The following MYBL2 variants were observed in gnomAD, a reference collection of about 807,000 sequenced individuals.
The protein encoded by MYBL2 is MYB proto-oncogene like 2, also known as myb-related protein B.
Under a neutral mutation model 79.9 loss-of-function variants are expected in MYBL2, and 28 were observed. The ratio of observed to expected loss-of-function variants is 0.35; its 90% CI spans 0.26 to 0.48. MYBL2 has a LOEUF of 0.48. MYBL2 is among the 20% of genes least tolerant of loss of function. The probability of loss-of-function intolerance (pLI) is 0.99; values close to 1 mark genes in which losing one functional copy is unlikely to be tolerated. For synonymous variants in MYBL2, 378 were observed against 361.2 expected (o/e 1.05, Z -0.53); for missense variants, 735 against 893.9 (o/e 0.82, Z 2.27).
chr20:43,673,646 T>C (rs766140223), intron 1 of MYBL2, 160 bp from the exon 2 acceptor site: 1 of 738,890 alleles, frequency 1.4e-6, no homozygotes. Flanking sequence ...TCAATAAAAA[T>C]AAGTGAAGCA....
At chr20:43,708,747 T>C (rs1335862742) in intron 9 of MYBL2, among the ~76,000 whole-genome samples, 4 of 152,360 alleles carry the variant, frequency 2.6e-5, no homozygotes, top group Middle Eastern at 3.4e-3. Flanking sequence ...TGTGTGCTCT[T>C]AGTCCTTGTT....
Position 43,699,826 on chromosome 20 carries a change from C to T in MYBL2, c.733C>T (p.Leu245Phe). The T allele has an allele frequency of 6.2e-7, 1 of 1,614,140 alleles. No individual in the cohort carries two copies. Among genetic ancestry groups the T allele is most frequent in the Non-Finnish European group, 8.5e-7 (1 of 1,180,028 alleles). The change falls in exon 7 of 14, where the codon CTT becomes TTT. Residue 245 changes from leucine (L) to phenylalanine (F), a missense_variant. By Grantham distance (22) the Leu-to-Phe change is conservative. Transcript: ENST00000217026. ...GGAGGAGGAAAACAGTGAGGAGGAA[C>T]TTGCAGCAGCCACCACATCGAAGGA... Reference protein sequence around the residue: ...IKEEENSEEELAAATTSKEQE... With the variant: ...IKEEENSEEEFAAATTSKEQE...
intron 2 of MYBL2, among the ~76,000 whole-genome samples, chr20:43,679,833 C>G (rs1264384034): frequency 1.2e-5 from 1 of 86,148 alleles, no homozygotes; most frequent in Non-Finnish European, 2.3e-5. Flanking sequence ...ATCACTTGAG[C>G]CCATGAGGTT....
rs80188388 is a variant in MYBL2 at position 43,669,806 on chromosome 20, A to T, written c.20+2503A>T. 7.6e-3 allele frequency among the ~76,000 whole-genome samples: 1,159 copies of T among 152,336 alleles called. 9 individuals are homozygous for T. Among genetic ancestry groups the T allele is most frequent in the African/African-American group, 0.026 (1,096 of 41,576 alleles). ...GTATATCATCTCACAGAAATGCCCC[A>T]GCTGTCTGAGATGCTGACCCTATCA... is the stretch of plus-strand genomic sequence containing the variant. On this transcript the variant is annotated intron_variant, in intron 1 of 13. Coordinates refer to ENST00000217026, the MANE Select transcript of MYBL2 (RefSeq NM_002466.4).
At chr20:43,675,416 C>T (rs1474157272) in intron 2 of MYBL2, among the ~76,000 whole-genome samples, 5 of 151,724 alleles carry the variant, frequency 3.3e-5, no homozygotes, top group Non-Finnish European at 4.4e-5. Flanking sequence ...TGGGTTCAAG[C>T]GATTCTCCTG....
intron 9 of MYBL2, among the ~76,000 whole-genome samples, chr20:43,705,996 G>A (rs1033829304): frequency 6.6e-5 from 10 of 152,174 alleles, no homozygotes; most frequent in African/African-American, 2.4e-4. Context: ...CACCACACCC[G>A]GCTAAAATTT....
chr20:43,715,987 G>C lies in MYBL2; in HGVS notation c.2003G>C (p.Cys668Ser). The change falls in exon 14 of 14, where the codon TGC (cysteine) becomes TCC (serine). Residue 668 changes from cysteine (C) to serine (S), a missense_variant. Physicochemically the swap from Cys to Ser is moderately radical, Grantham distance 112. This residue lies in a region of MYBL2 where 204 missense variants were observed against 202.9 expected (regional missense o/e 1.01). Transcript: ENST00000217026. ...TCCAGTGCCTGGAAGACGGTGGCCT[G>C]CGGGGGGACCAGGGACCAGCTTTTC... is the stretch of plus-strand genomic sequence containing the variant. ...PMSSAWKTVACGGTRDQLFMQ... is the reference protein window; with the variant it reads ...PMSSAWKTVASGGTRDQLFMQ... The C allele has an allele frequency of 6.2e-7, 1 of 1,612,342 alleles. No individual in the cohort carries two copies. Among genetic ancestry groups the C allele is most frequent in the Non-Finnish European group, 8.5e-7 (1 of 1,179,810 alleles).
chr20:43,699,611 G>A, intron 6 of MYBL2, 146 bp from the exon 7 acceptor site: 1 of 856,700 alleles, frequency 1.2e-6, no homozygotes, highest in Non-Finnish European at 1.8e-6. Flanking sequence ...GGAAGTATAT[G>A]GTATGGCTAA....
In MYBL2 at chr20:43,673,679, A is replaced by C. The variant is rs138941029; in HGVS notation, c.21-127A>C. 1,941 of 856,646 alleles carry C rather than the reference A, an allele frequency of 2.3e-3. 32 individuals carry two copies. The African/African-American group carries it at 0.027, about 12-fold the overall frequency. 53.1% of individuals were successfully genotyped at this position (856,646 alleles called of 1,614,324 possible). ...GCAGAAGTGCCTATGTCTTAAAAAG[A>C]AGAAAAAGTAAGAGCCTCTCTCCCC... On this transcript the variant is annotated intron_variant, in intron 1 of 13. Coordinates refer to ENST00000217026, the MANE Select transcript of MYBL2 (RefSeq NM_002466.4).
At chr20:43,693,579 C>T (rs191641489) in intron 6 of MYBL2, among the ~76,000 whole-genome samples, 6 of 152,180 alleles carry the variant, frequency 3.9e-5, no homozygotes, top group Admixed American at 1.3e-4. Context: ...TCAAATGATC[C>T]ACCCACCTGA....
At chr20:43,696,319 C>A (rs943006431) in intron 6 of MYBL2, among the ~76,000 whole-genome samples, 5 of 151,938 alleles carry the variant, frequency 3.3e-5, no homozygotes, top group Non-Finnish European at 5.9e-5. Flanking sequence ...TGGCTCACCG[C>A]AACCTCCGCC....
At chr20:43,677,247 A>G (rs370746692) in intron 2 of MYBL2, among the ~76,000 whole-genome samples, 1 of 152,170 alleles carries the variant, frequency 6.6e-6, no homozygotes, top group Non-Finnish European at 1.5e-5. Context: ...ATGGAGAGAT[A>G]AGACCGTGTG....
At position 43,677,143 on chromosome 20, in the gene MYBL2, ATCC is replaced by A. The variant is rs773688839; in HGVS notation, c.114+3246_114+3248del. Among the ~76,000 whole-genome samples, 455 of 152,328 alleles carry A rather than the reference ATCC, an allele frequency of 3.0e-3. 8 individuals carry two copies. Among genetic ancestry groups the A allele is most frequent in the Middle Eastern group, 0.024 (7 of 294 alleles). On this transcript the variant is annotated intron_variant, in intron 2 of 13. Transcript: ENST00000217026. ...CGTGCTAAGCAAACCTTTTCTGCTCATCCTGTTGTGGACCAGGGACTATATTTG... is the reference window on the plus strand; with the variant it reads ...CGTGCTAAGCAAACCTTTTCTGCTCATGTTGTGGACCAGGGACTATATTTG...
At chr20:43,711,675 A>C in intron 11 of MYBL2, 74 bp downstream of exon 11, 1 of 1,375,926 alleles carries the variant, frequency 7.3e-7, no homozygotes, top group Non-Finnish European at 1.0e-6. Flanking sequence ...GTCTGGGGAC[A>C]GGTTGTAGAA....
intron 6 of MYBL2, among the ~76,000 whole-genome samples, chr20:43,699,315 G>A (rs969217729): frequency 7.9e-5 from 12 of 152,180 alleles, no homozygotes; most frequent in Non-Finnish European, 1.3e-4. Context: ...CAAAGTGTTG[G>A]GATTACAGGC....
intron 2 of MYBL2, among the ~76,000 whole-genome samples, chr20:43,679,131 G>A (rs1419336576): frequency 6.6e-6 from 1 of 152,124 alleles, no homozygotes; most frequent in African/African-American, 2.4e-5. Flanking sequence ...AGCCTGGCCA[G>A]GGCAGGGAGG....
At position 43,667,277 on chromosome 20, in the gene MYBL2, CG is replaced by C. The variant is rs1460701783; in HGVS notation, c.-1del. On this transcript the variant is annotated 5_prime_UTR_variant, in exon 1 of 14. Transcript: ENST00000217026. ...CGGGCGAGCGCGGCGCGGTCCGGGC[CG>C]GGGGGATGTCTCGGCGGACGCGCTG... 3 of 1,226,100 alleles carry C rather than the reference CG, an allele frequency of 2.4e-6. No homozygotes were observed. The highest frequency in any genetic ancestry group is 3.0e-6 in the Non-Finnish European group (3 of 984,120). The allele number at this position is 1,226,100 out of a possible 1,614,324, so 76.0% of individuals were successfully genotyped here.
At chr20:43,678,585 G>A (rs1368248248) in intron 2 of MYBL2, among the ~76,000 whole-genome samples, 1 of 152,012 alleles carries the variant, frequency 6.6e-6, no homozygotes, top group Non-Finnish European at 1.5e-5. Flanking sequence ...GGCCTGGCGC[G>A]GTGGCTCACG....
intron 6 of MYBL2, among the ~76,000 whole-genome samples, chr20:43,696,813 G>A (rs1030162078): frequency 1.4e-4 from 22 of 152,396 alleles, no homozygotes; most frequent in African/African-American, 1.2e-4. Context: ...TGCAACCTCC[G>A]CCTCCCGGGT....
Sources: allele counts gnomAD v4.1 joint callset (sites outside exome capture counted in the v4.1 genomes callset), GRCh38; gene constraint gnomAD v4.1.1; regional missense constraint gnomAD v4.1.1; transcripts MANE v1.5; gene names NCBI Gene and HGNC (gene_info 2026-07-23, HGNC 2026-07-21).